The following IKZF1 variants were observed in gnomAD, a reference collection of about 807,000 sequenced individuals.
IKZF1 encodes IKAROS family zinc finger 1.
Under a neutral mutation model 51.7 loss-of-function variants are expected in IKZF1, and 10 were observed. The ratio of observed to expected loss-of-function variants is 0.19; its 90% CI spans 0.12 to 0.33. The LOEUF (loss-of-function observed/expected upper bound fraction) is 0.33, where lower values mean the gene tolerates loss of function less well. Ranked by LOEUF, IKZF1 falls within the 10% of genes least tolerant of loss-of-function variation. IKZF1 has a pLI of 1.00. For missense variants in IKZF1, 484 were observed against 707.5 expected (o/e 0.68, Z 3.58); for synonymous variants, 280 against 282.3 (o/e 0.99, Z 0.08).
intron 2 of IKZF1, chr7:50,327,403 G>A (rs531812457): frequency 1.7e-4 from 66 of 383,572 alleles, no homozygotes; most frequent in African/African-American, 8.8e-4. Flanking sequence ...GCAGTGTCTG[G>A]GATTATAGGT....
In IKZF1 at chr7:50,376,943, G is replaced by A. The variant is rs1316145901; in HGVS notation, c.421+150G>A. The stretch of plus-strand genomic sequence containing the variant: ...CAAGCGATTGGTTCCAAGTGGTACC[G>A]AGTCATAGAGTCCTTGTTCTGGTAC... On this transcript the variant is annotated intron_variant, in intron 4 of 7. Transcript: ENST00000331340. The surrounding 1 kb of genome is among the most constrained non-coding windows in gnomAD (Gnocchi z 4.5). The A allele has an allele frequency of 7.0e-6, 9 of 1,294,956 alleles. No individual in the cohort carries two copies. Among genetic ancestry groups the A allele is most frequent in the Middle Eastern group, 2.7e-4 (1 of 3,662 alleles). 80.2% of individuals were successfully genotyped at this position (1,294,956 alleles called of 1,614,324 possible).
At chr7:50,368,178 G>C (rs1243380333) in intron 3 of IKZF1, 2 of 703,096 alleles carry the variant, frequency 2.8e-6, no homozygotes, top group Non-Finnish European at 5.2e-6. Flanking sequence ...AATATTCACT[G>C]TTCTATTCGT....
At chr7:50,340,756 C>T (rs954608909) in intron 3 of IKZF1, among the ~76,000 whole-genome samples, 3 of 152,188 alleles carry the variant, frequency 2.0e-5, no homozygotes, top group Non-Finnish European at 2.9e-5. Context: ...TGACAATTAA[C>T]TATTACCAGG....
At position 50,353,406 on chromosome 7, in the gene IKZF1, G is replaced by A. The variant is rs970525659; in HGVS notation, c.161-23127G>A. 4.6e-5 allele frequency among the ~76,000 whole-genome samples: 7 copies of A among 152,214 alleles called. No individual in the cohort carries two copies. In the East Asian group the frequency reaches 7.7e-4, roughly 17 times the overall value. ...GGCCTGAGGTCTGGAAGCCACCTGC[G>A]CCTGCTGGCCCCTCCTTTCTTGTTT... On this transcript the variant is annotated intron_variant, in intron 3 of 7. Coordinates refer to ENST00000331340, the MANE Select transcript of IKZF1 (RefSeq NM_006060.6).
intron 1 of IKZF1, among the ~76,000 whole-genome samples, chr7:50,312,129 AT>A (rs1790336305): frequency 6.6e-6 from 1 of 152,222 alleles, no homozygotes; most frequent in Non-Finnish European, 1.5e-5. Flanking sequence ...GAAGAAAATG[AT>A]TCTAAACTTA....
chr7:50,382,517 C>A (rs2153477195), intron 4 of IKZF1, 23 bp from the exon 5 acceptor site: 1 of 1,603,796 alleles, frequency 6.2e-7, no homozygotes, highest in South Asian at 1.1e-5. Flanking sequence ...TAGTTCTCAC[C>A]AGCTCTCCTC....
At chr7:50,361,692 A>G (rs895364948) in intron 3 of IKZF1, among the ~76,000 whole-genome samples, 2 of 152,192 alleles carry the variant, frequency 1.3e-5, no homozygotes, top group South Asian at 2.1e-4. Flanking sequence ...CCTGACCAAC[A>G]TGGTGAAACC....
intron 6 of IKZF1, among the ~76,000 whole-genome samples, chr7:50,391,084 T>C (rs1339947159): frequency 6.6e-6 from 1 of 152,232 alleles, no homozygotes; most frequent in African/African-American, 2.4e-5. Flanking sequence ...TCTTCAATTA[T>C]GGAAAGAGAT....
intron 3 of IKZF1, chr7:50,368,429 G>A: frequency 1.6e-6 from 1 of 621,566 alleles, no homozygotes. Context: ...ACAAAGAACT[G>A]AACATGGTTT....
At chr7:50,387,048 C>T (rs142407845) in intron 5 of IKZF1, among the ~76,000 whole-genome samples, 6 of 152,222 alleles carry the variant, frequency 3.9e-5, no homozygotes, top group African/African-American at 1.2e-4. Flanking sequence ...AGCAGTGGCT[C>T]GTTTTCTCCA....
chr7:50,368,735 A>G, intron 3 of IKZF1: 1 of 249,546 alleles, frequency 4.0e-6, no homozygotes, highest in African/African-American at 2.2e-5. Flanking sequence ...TTTAAAGAAC[A>G]GAGAGTGCTT....
chr7:50,360,556 C>T (rs974866176), intron 3 of IKZF1, among the ~76,000 whole-genome samples: 12 of 152,192 alleles, frequency 7.9e-5, no homozygotes, highest in African/African-American at 2.2e-4. Flanking sequence ...TTCACTTTGC[C>T]GAACTCCCTT....
rs1325151461 is a variant in IKZF1 at position 50,334,513 on chromosome 7, GGT to G, written c.160+6767_160+6768del. On this transcript the variant is annotated intron_variant, in intron 3 of 7. Transcript: ENST00000331340. ...TGTTTGTGTGTGCATGTATGTGTGT[GGT>G]GTGTGTGTGTATGTGTAGTGTATAT... Among the ~76,000 whole-genome samples, 626 of 151,468 alleles carry G rather than the reference GGT, an allele frequency of 4.1e-3. 1 individual carries two copies. The highest frequency in any genetic ancestry group is 0.013 in the African/African-American group (552 of 41,310).
At chr7:50,358,247 T>G (rs1190731784) in intron 3 of IKZF1, among the ~76,000 whole-genome samples, 3 of 152,220 alleles carry the variant, frequency 2.0e-5, no homozygotes, top group African/African-American at 7.2e-5. Flanking sequence ...GTTGTTGATG[T>G]GAAGGACAGG....
intron 3 of IKZF1, among the ~76,000 whole-genome samples, chr7:50,373,847 A>ACAGC (rs1809451243): frequency 1.3e-5 from 2 of 152,174 alleles, no homozygotes; most frequent in South Asian, 4.1e-4. Flanking sequence ...CATTGCCTCG[A>ACAGC]CAGCCAGCCA....
chr7:50,357,567 G>A (rs776866760), intron 3 of IKZF1, among the ~76,000 whole-genome samples: 6 of 152,106 alleles, frequency 3.9e-5, no homozygotes, highest in Admixed American at 6.5e-5. Context: ...CGTGAGTTTC[G>A]GTGCATCTTC....
At chr7:50,371,928 A>G (rs1808799406) in intron 3 of IKZF1, among the ~76,000 whole-genome samples, 1 of 152,206 alleles carries the variant, frequency 6.6e-6, no homozygotes, top group African/African-American at 2.4e-5. Flanking sequence ...ACCTTCAGGG[A>G]AAACCCCAGA....
intron 3 of IKZF1, among the ~76,000 whole-genome samples, chr7:50,366,703 A>G (rs1807063933): frequency 6.6e-6 from 1 of 152,216 alleles, no homozygotes; most frequent in Non-Finnish European, 1.5e-5. Flanking sequence ...TGCAAAAGGT[A>G]ATACATACCC....
At chr7:50,337,699 A>AGAGAGAACTTTCAAAGTGAGAG (rs1302770581) in intron 3 of IKZF1, among the ~76,000 whole-genome samples, 27 of 152,240 alleles carry the variant, frequency 1.8e-4, no homozygotes, top group Non-Finnish European at 2.2e-4. Flanking sequence ...GTAGGACAGT[A>AGAGAGAACTTTCAAAGTGAGAG]GAGAGAACTT....
Sources: gnomAD v4.1 joint callset for allele counts (sites outside exome capture counted in the v4.1 genomes callset) on GRCh38, gnomAD v4.1.1 for gene constraint, Gnocchi (gnomAD v3.1) non-coding constraint, MANE v1.5 for transcripts, NCBI Gene and HGNC (gene_info 2026-07-23, HGNC 2026-07-21) for gene names.